CASK: variants seen among roughly 807,000 people sequenced by gnomAD.
CASK encodes peripheral plasma membrane protein CASK.
A neutral mutation model predicts 82.9 loss-of-function variants in CASK; 4 were observed. The ratio of observed to expected loss-of-function variants is 0.05; its 90% confidence interval spans 0.02 to 0.11. The LOEUF is 0.11. Among genes scored for constraint, CASK ranks in the 10% least tolerant of loss-of-function variants. The probability of loss-of-function intolerance (pLI) is 1.00; values close to 1 mark genes in which losing one functional copy is unlikely to be tolerated. For missense variants in CASK, 358 were observed against 720.9 expected, an observed-to-expected ratio of 0.50 and a Z score of 5.76; for synonymous variants, 259 against 253.5, an observed-to-expected ratio of 1.02 and a Z score of -0.20.
intron 2 of CASK, among the ~76,000 whole-genome samples, chrX:41,837,679 T>A (rs2070953455): frequency 8.9e-6 from 1 of 112,422 alleles, no homozygotes; most frequent in African/African-American, 3.2e-5. Flanking sequence ...GATTTTTCAT[T>A]TTTATTGCTC....
intron 5 of CASK, among the ~76,000 whole-genome samples, chrX:41,715,623 GAA>G (rs1458553381): frequency 1.1e-4 from 9 of 84,104 alleles, no homozygotes; most frequent in African/African-American, 4.4e-5. Flanking sequence ...ACTCTGACTT[GAA>G]AAAAAAAAAA....
intron 1 of CASK, among the ~76,000 whole-genome samples, chrX:41,919,603 C>T (rs1182536528): frequency 8.9e-6 from 1 of 112,055 alleles, no homozygotes; most frequent in African/African-American, 3.2e-5. Context: ...TTGCATAACG[C>T]CCTTCCTTTC....
intron 5 of CASK, among the ~76,000 whole-genome samples, chrX:41,726,027 T>C (rs1049689460): frequency 8.9e-6 from 1 of 112,560 alleles, no homozygotes; most frequent in African/African-American, 3.2e-5. Flanking sequence ...AATTTTTCTG[T>C]AGAGACATGG....
chrX:41,607,993 C>T (rs2065985155), intron 12 of CASK, among the ~76,000 whole-genome samples: 1 of 112,240 alleles, frequency 8.9e-6, no homozygotes, highest in African/African-American at 3.2e-5. Flanking sequence ...AATATGTACA[C>T]TATATACAAA....
intron 14 of CASK, among the ~76,000 whole-genome samples, chrX:41,579,827 CA>C (rs1401147245): frequency 5.1e-5 from 5 of 97,660 alleles, no homozygotes; most frequent in Non-Finnish European, 4.2e-5. Flanking sequence ...GCATACGAGG[CA>C]AAAAAAAAAG....
At chrX:41,707,711 A>G (rs1052988514) in intron 5 of CASK, among the ~76,000 whole-genome samples, 5 of 111,549 alleles carry the variant, frequency 4.5e-5, no homozygotes, top group African/African-American at 1.6e-4. Context: ...AGAAAGAGAG[A>G]GAGACAGAAT....
chrX:41,582,679 G>C (rs1217353100), intron 14 of CASK, among the ~76,000 whole-genome samples: 1 of 111,479 alleles, frequency 9.0e-6, no homozygotes, highest in African/African-American at 3.3e-5. Context: ...GGTACAGGAA[G>C]TACCACTCTC....
chrX:41,643,455 G>A (rs2066697105), intron 8 of CASK, among the ~76,000 whole-genome samples: 2 of 111,747 alleles, frequency 1.8e-5, no homozygotes, highest in South Asian at 7.5e-4. Context: ...TCATTGAGCA[G>A]TGGTTTGTAG....
chrX:41,746,297 C>G (rs1242591524), intron 3 of CASK, among the ~76,000 whole-genome samples: 1 of 111,127 alleles, frequency 9.0e-6, no homozygotes, highest in Non-Finnish European at 1.9e-5. Context: ...GCAGAATGGT[C>G]TTATTATCAC....
In CASK at chrX:41,518,082, G is replaced by C. The variant is rs1027827217; in HGVS notation, c.*2338C>G. On this transcript the variant is annotated 3_prime_UTR_variant, in exon 27 of 27. Transcript: ENST00000378163. ...TTGTGGGGCCACAGACATTTAAGTTGGCATTGCTTTTCTCCTCCTCTGCTT... is the reference window on the plus strand; with the variant it reads ...TTGTGGGGCCACAGACATTTAAGTTCGCATTGCTTTTCTCCTCCTCTGCTT... 4.0e-6 allele frequency: 1 copy of C among 249,596 alleles called. No individual in the cohort carries two copies. Among genetic ancestry groups the C allele is most frequent in the African/African-American group, 2.9e-5 (1 of 34,804 alleles). The allele number at this position is 249,596 out of a possible 1,213,427, so 20.6% of individuals were successfully genotyped here. A position where few individuals can be genotyped will look rare whatever the true frequency, so the allele number is the denominator to read the frequency against.
chrX:41,836,968 C>T (rs913318103), intron 2 of CASK, among the ~76,000 whole-genome samples: 1 of 111,700 alleles, frequency 9.0e-6, no homozygotes, highest in African/African-American at 3.3e-5. Flanking sequence ...TTGAGGAAAA[C>T]GAGTGACAGT....
At position 41,716,387 on chromosome X, in the gene CASK, T is replaced by C. The variant is rs73472504; in HGVS notation, c.429+22997A>G. Among the ~76,000 whole-genome samples the C allele has an allele frequency of 4.3e-3, 482 of 112,660 alleles. 1 individual carries two copies. Among genetic ancestry groups the C allele is most frequent in the African/African-American group, 0.015 (464 of 31,026 alleles). On this transcript the variant is annotated intron_variant, in intron 5 of 26. Coordinates refer to ENST00000378163, the MANE Select transcript of CASK (RefSeq NM_001367721.1). ...CTTATTTGCCTTCGCAAGTGTGTGC[T>C]CACATTCAACATGAGTGGGGCTAAG...
chrX:41,553,655 G>T (rs2065127182), intron 21 of CASK, 64 bp downstream of exon 21: 1 of 868,279 alleles, frequency 1.2e-6, no homozygotes, highest in Non-Finnish European at 1.7e-6. Context: ...TATAAAATTG[G>T]AAAATGGATG....
intron 3 of CASK, among the ~76,000 whole-genome samples, chrX:41,760,586 G>T: frequency 9.0e-6 from 1 of 110,613 alleles, no homozygotes; most frequent in Middle Eastern, 4.7e-3. Flanking sequence ...AGACAGACAG[G>T]GTTTCATGGG....
chrX:41,921,869 CAAAAA>C (rs11298104), intron 1 of CASK, among the ~76,000 whole-genome samples: 2 of 39,756 alleles, frequency 5.0e-5, no homozygotes, highest in Admixed American at 3.4e-4. Context: ...GCACCGCTTC[CAAAAA>C]AAAAAAAAAA....
At position 41,589,533 on chromosome X, in the gene CASK, T is replaced by C. The variant is rs1555989329; in HGVS notation, c.1215A>G (p.Ala405=). Residue 405 remains alanine (A), a synonymous_variant, in exon 13 of 27, where the codon GCA becomes GCG. Transcript: ENST00000378163. ...CACTTACCTCTTTGGCTCTCTGTAC[T>C]GCATCGCTTGGAGGATTCCTGATTT... ...SPQIRNPPSD[A]VQRAKEVLEE... is the part of the protein sequence containing the mutation. 4 of 1,200,401 alleles carry C rather than the reference T, an allele frequency of 3.3e-6. No individual in the cohort carries two copies. Among genetic ancestry groups the C allele is most frequent in the Non-Finnish European group, 4.5e-6 (4 of 885,093 alleles).
intron 5 of CASK, among the ~76,000 whole-genome samples, chrX:41,735,577 T>C (rs751377147): frequency 3.8e-3 from 419 of 110,245 alleles, no homozygotes; most frequent in African/African-American, 0.013. Context: ...TTTTTTTTTT[T>C]TTTTTACTAC....
At chrX:41,619,224 C>A (rs1325522701) in intron 11 of CASK, among the ~76,000 whole-genome samples, 1 of 111,386 alleles carries the variant, frequency 9.0e-6, no homozygotes, top group African/African-American at 3.3e-5. Flanking sequence ...ACTATAATGC[C>A]CTGCCTTCAG....
rs781247892 is a variant in CASK, at chrX:41,671,436, A to G, written c.524T>C (p.Val175Ala). ...TTTTAAAGCAGTCTTACCTCCAGCT[A>G]CAAGTCCAGACTCCCCTAATTGAAT... ...VAIQLGESGL[V>A]AGGRVGTPHF... Residue 175 changes from valine (V) to alanine (A), a missense_variant, in exon 6 of 27, where the codon GTA becomes GCA. Val to Ala is a moderately conservative substitution (Grantham distance 64, BLOSUM62 0). Transcript: ENST00000378163. The G allele has an allele frequency of 2.6e-6, 3 of 1,169,205 alleles. No homozygotes were observed. Among genetic ancestry groups the G allele is most frequent in the Non-Finnish European group, 2.3e-6 (2 of 859,249 alleles).
Sources: allele counts gnomAD v4.1 joint callset (sites outside exome capture counted in the v4.1 genomes callset), GRCh38; gene constraint gnomAD v4.1.1; transcripts MANE v1.5; gene names NCBI Gene and HGNC (gene_info 2026-07-23, HGNC 2026-07-21).